Variants in IGF2BP3 observed in about 807,000 individuals in gnomAD.
IGF2BP3 encodes the protein insulin like growth factor 2 mRNA binding protein 3.
In IGF2BP3, 9 loss-of-function variants were observed where a neutral mutation model predicts 73.8. That is an observed-to-expected ratio of 0.12 (90% CI 0.07 to 0.21). The LOEUF is 0.21. Ranked by LOEUF, IGF2BP3 falls within the 10% of genes least tolerant of loss-of-function variation. The pLI is 1.00. For missense variants in IGF2BP3, 542 were observed against 714.0 expected, an observed-to-expected ratio of 0.76 and a Z score of 2.75; for synonymous variants, 258 against 256.7, an observed-to-expected ratio of 1.01 and a Z score of -0.05.
intron 3 of IGF2BP3, among the ~76,000 whole-genome samples, chr7:23,392,854 C>T (rs569052789): frequency 2.6e-5 from 4 of 152,244 alleles, no homozygotes; most frequent in African/African-American, 7.2e-5. Flanking sequence ...TGATCTTGAA[C>T]TCTTGGGCTC....
At chr7:23,329,768 G>T (rs777440447) in intron 10 of IGF2BP3, among the ~76,000 whole-genome samples, 5 of 152,164 alleles carry the variant, frequency 3.3e-5, no homozygotes, top group Admixed American at 6.5e-5. Context: ...TCTGTGTGAG[G>T]TGCTGTGCAT....
chr7:23,456,820 C>T (rs1432808920), intron 2 of IGF2BP3, among the ~76,000 whole-genome samples: 2 of 152,150 alleles, frequency 1.3e-5, no homozygotes, highest in Admixed American at 1.3e-4. Flanking sequence ...GAGGCCGCGG[C>T]GAGGGGATCA....
At chr7:23,391,865 T>C (rs1354715910) in intron 3 of IGF2BP3, among the ~76,000 whole-genome samples, 11 of 152,226 alleles carry the variant, frequency 7.2e-5, no homozygotes, top group Non-Finnish European at 1.5e-4. Flanking sequence ...TTTCTGTTTT[T>C]ACAAGTGAAT....
Position 23,312,344 on chromosome 7 carries a change from G to A in IGF2BP3, c.*18C>T. On this transcript the variant is annotated 3_prime_UTR_variant, in exon 15 of 15. Coordinates refer to ENST00000258729, the MANE Select transcript of IGF2BP3 (RefSeq NM_006547.3). ...TTGGTTTGGCATCTGCCTCTGTGGT[G>A]GGCTGTTTCCTGAGCCTTTACTTCC... 6.4e-7 allele frequency: 1 copy of A among 1,566,116 alleles called. No individual in the cohort carries two copies. Among genetic ancestry groups the A allele is most frequent in the Non-Finnish European group, 8.8e-7 (1 of 1,137,766 alleles).
intron 10 of IGF2BP3, among the ~76,000 whole-genome samples, chr7:23,325,859 A>C (rs1186429646): frequency 6.6e-6 from 1 of 152,220 alleles, no homozygotes; most frequent in Non-Finnish European, 1.5e-5. Context: ...TGGTGCTGGG[A>C]AAACTGGCTA....
Position 23,438,033 on chromosome 7 carries a change from C to T in IGF2BP3, c.237-19209G>A, listed in dbSNP as rs1218157250. Among the ~76,000 whole-genome samples, 4 of 152,332 alleles carry T rather than the reference C, an allele frequency of 2.6e-5. No individual in the cohort carries two copies. In the East Asian group the frequency reaches 5.8e-4, roughly 22 times the overall value. On this transcript the variant is annotated intron_variant, in intron 2 of 14. Coordinates refer to ENST00000258729, the MANE Select transcript of IGF2BP3 (RefSeq NM_006547.3). ...CTTCTGTGTAAATAAAACTCACTTA[C>T]ACAGATATTCAGGAAAATTGTTCAA...
intron 2 of IGF2BP3, among the ~76,000 whole-genome samples, chr7:23,466,430 G>A (rs1394998225): frequency 6.6e-6 from 1 of 152,176 alleles, no homozygotes. Context: ...TAGTAAGATA[G>A]TACTGTATCA....
intron 3 of IGF2BP3, among the ~76,000 whole-genome samples, chr7:23,385,562 G>T (rs1786056365): frequency 6.6e-6 from 1 of 151,878 alleles, no homozygotes; most frequent in Non-Finnish European, 1.5e-5. Context: ...GATGAAGTCA[G>T]CCAACCTAAA....
chr7:23,357,212 T>C (rs977657148), intron 5 of IGF2BP3, among the ~76,000 whole-genome samples: 1 of 152,126 alleles, frequency 6.6e-6, no homozygotes, highest in Non-Finnish European at 1.5e-5. Context: ...CTTCTAAACA[T>C]AACCATATTT....
intron 5 of IGF2BP3, among the ~76,000 whole-genome samples, chr7:23,355,720 G>A (rs1324395453): frequency 6.6e-6 from 1 of 152,108 alleles, no homozygotes; most frequent in African/African-American, 2.4e-5. Flanking sequence ...ATCACTTGAG[G>A]TCAGGAGTTC....
chr7:23,415,125 G>A, intron 3 of IGF2BP3: 1 of 219,374 alleles, frequency 4.6e-6, no homozygotes, highest in Non-Finnish European at 9.2e-6. Flanking sequence ...CGGCTTCACT[G>A]CATTACCAGG....
chr7:23,422,499 G>T (rs1562743649), intron 2 of IGF2BP3, among the ~76,000 whole-genome samples: 1 of 152,138 alleles, frequency 6.6e-6, no homozygotes, highest in South Asian at 2.1e-4. Flanking sequence ...AAGTTTCAAT[G>T]AGCTATAATC....
At chr7:23,364,237 G>A (rs978403456) in intron 3 of IGF2BP3, among the ~76,000 whole-genome samples, 10 of 152,066 alleles carry the variant, frequency 6.6e-5, no homozygotes, top group South Asian at 2.1e-4. Context: ...AGTTGGGCAC[G>A]GTGGTGCGCG....
chr7:23,351,587 C>G lies in IGF2BP3; in HGVS notation c.402-1G>C. ...AAATCCATTCAGTTTGTCTAGTGCT[C>G]TGAAAGTTGAAAAGGGGCAGGGGTG... On this transcript the variant is annotated splice_acceptor_variant, in intron 5 of 14. Transcript: ENST00000258729. LOFTEE classifies it high-confidence loss of function. 1.2e-6 allele frequency: 2 copies of G among 1,613,870 alleles called. No homozygotes were observed. Among genetic ancestry groups the G allele is most frequent in the Non-Finnish European group, 1.7e-6 (2 of 1,179,972 alleles).
At chr7:23,466,940 TGAC>T (rs2128552879) in intron 2 of IGF2BP3, among the ~76,000 whole-genome samples, 2 of 152,376 alleles carry the variant, frequency 1.3e-5, no homozygotes, top group South Asian at 4.1e-4. Flanking sequence ...TAAGACATAC[TGAC>T]CAAACATAAT....
At chr7:23,390,820 A>G (rs1263340730) in intron 3 of IGF2BP3, among the ~76,000 whole-genome samples, 1 of 141,788 alleles carries the variant, frequency 7.1e-6, no homozygotes, top group Admixed American at 7.2e-5. Context: ...TTTTTTTGAG[A>G]CAGAGTCTCG....
At chr7:23,392,132 G>C (rs1786296279) in intron 3 of IGF2BP3, among the ~76,000 whole-genome samples, 1 of 152,108 alleles carries the variant, frequency 6.6e-6, no homozygotes, top group African/African-American at 2.4e-5. Flanking sequence ...TAAAGAAGGA[G>C]AGACTACTCT....
At chr7:23,386,223 G>C (rs1244452714) in intron 3 of IGF2BP3, among the ~76,000 whole-genome samples, 1 of 152,116 alleles carries the variant, frequency 6.6e-6, no homozygotes, top group Non-Finnish European at 1.5e-5. Context: ...TATTGGCCAG[G>C]CGTGCTGGCT....
At chr7:23,382,255 A>G (rs78070354) in intron 3 of IGF2BP3, among the ~76,000 whole-genome samples, 4,169 of 152,212 alleles carry the variant, frequency 0.027, 179 homozygotes, top group African/African-American at 0.095. Context: ...AAAACAAAAA[A>G]CAAAAAACTT....
Sources: gnomAD v4.1 joint callset for allele counts (sites outside exome capture counted in the v4.1 genomes callset) on GRCh38, gnomAD v4.1.1 for gene constraint, MANE v1.5 for transcripts, NCBI Gene and HGNC (gene_info 2026-07-23, HGNC 2026-07-21) for gene names.